The following NCALD variants were observed in gnomAD, a reference collection of about 807,000 sequenced individuals.
NCALD encodes neurocalcin delta, also known as neurocalcin-delta.
Under a neutral mutation model 18.6 loss-of-function variants are expected in NCALD, and 10 were observed. The ratio of observed to expected loss-of-function variants is 0.54; its 90% CI spans 0.33 to 0.91. The LOEUF is 0.91. NCALD is among the 40% of genes least tolerant of loss of function. The pLI is 0.03. For missense variants in NCALD, 184 were observed against 247.6 expected (o/e 0.74, Z 1.72); for synonymous variants, 88 against 87.4 (o/e 1.01, Z -0.04).
At chr8:102,082,260 T>C (rs1364858868) in intron 1 of NCALD, among the ~76,000 whole-genome samples, 2 of 111,386 alleles carry the variant, frequency 1.8e-5, no homozygotes, top group Non-Finnish European at 1.8e-5. Context: ...TGAGAGGGAG[T>C]CTCGCTCTGT....
At chr8:101,747,684 G>A (rs1358219234) in intron 1 of NCALD, among the ~76,000 whole-genome samples, 2 of 151,916 alleles carry the variant, frequency 1.3e-5, no homozygotes, top group African/African-American at 4.8e-5. Context: ...TACTTTCCAG[G>A]GTTCCCTTTT....
At chr8:101,890,002 G>T (rs192979048) in intron 3 of NCALD, among the ~76,000 whole-genome samples, 1 of 152,288 alleles carries the variant, frequency 6.6e-6, no homozygotes, top group South Asian at 2.1e-4. Flanking sequence ...TAAAAGGAAG[G>T]CAAAGTTGAT....
intron 2 of NCALD, among the ~76,000 whole-genome samples, chr8:101,931,952 G>A (rs1333279119): frequency 1.3e-5 from 2 of 152,096 alleles, no homozygotes; most frequent in African/African-American, 4.8e-5. Flanking sequence ...AGGCCCTTAG[G>A]AGCACTTGTC....
intron 4 of NCALD, among the ~76,000 whole-genome samples, chr8:101,798,051 T>C (rs1812706759): frequency 2.0e-5 from 3 of 152,178 alleles, no homozygotes; most frequent in Non-Finnish European, 4.4e-5. Context: ...ATACGGCTAA[T>C]TTTATACTTA....
intron 4 of NCALD, among the ~76,000 whole-genome samples, chr8:101,841,713 G>C (rs540420037): frequency 6.6e-6 from 1 of 152,310 alleles, no homozygotes; most frequent in South Asian, 2.1e-4. Flanking sequence ...CAGCCAAAGA[G>C]GGTGAATCTT....
chr8:102,004,452 G>T (rs1434501810), intron 2 of NCALD, among the ~76,000 whole-genome samples: 1 of 152,062 alleles, frequency 6.6e-6, no homozygotes, highest in Non-Finnish European at 1.5e-5. Flanking sequence ...TGGCCATACT[G>T]CCCAAGGTAA....
intron 2 of NCALD, among the ~76,000 whole-genome samples, chr8:101,929,267 GGGAT>G (rs1397374569): frequency 4.4e-5 from 3 of 68,532 alleles, no homozygotes; most frequent in African/African-American, 1.4e-4. Flanking sequence ...GATGGAGGAA[GGGAT>G]GGAGGGAGGG....
chr8:102,060,279 C>T (rs2132255926), intron 1 of NCALD, among the ~76,000 whole-genome samples: 1 of 152,294 alleles, frequency 6.6e-6, no homozygotes, highest in South Asian at 2.1e-4. Flanking sequence ...CTGCGCCCGG[C>T]CTGAAGTTGT....
intron 2 of NCALD, among the ~76,000 whole-genome samples, chr8:101,996,987 G>C (rs984947729): frequency 6.6e-6 from 1 of 152,218 alleles, no homozygotes; most frequent in African/African-American, 2.4e-5. Flanking sequence ...AGATCAATAA[G>C]AGCAAGATAG....
chr8:101,692,845 T>C lies in NCALD; in HGVS notation c.430A>G (p.Thr144Ala). Residue 144 changes from threonine (T) to alanine (A), a missense_variant, in exon 3 of 4, where the codon ACC becomes GCC. Coordinates refer to ENST00000220931, the MANE Select transcript of NCALD (RefSeq NM_032041.3). Reference protein sequence around the residue: ...SVMKMPEDESTPEKRTEKIFR... With the variant: ...SVMKMPEDESAPEKRTEKIFR... ...ATCTTTTCTGTTCTTTTCTCTGGGG[T>C]TGACTCATCTTCAGGCATTTTCATT... The C allele has an allele frequency of 6.2e-7, 1 of 1,614,000 alleles. No individual in the cohort carries two copies. Among genetic ancestry groups the C allele is most frequent in the Non-Finnish European group, 8.5e-7 (1 of 1,179,928 alleles).
intron 1 of NCALD, among the ~76,000 whole-genome samples, chr8:101,778,690 A>T (rs1811892077): frequency 6.6e-6 from 1 of 152,176 alleles, no homozygotes. Flanking sequence ...GAAAAAAGTT[A>T]AGACCATAGA....
intron 1 of NCALD, among the ~76,000 whole-genome samples, chr8:102,099,493 G>A (rs1297762603): frequency 2.6e-5 from 4 of 152,114 alleles, no homozygotes; most frequent in African/African-American, 9.7e-5. Context: ...TCCTTATCAA[G>A]AGACAATATG....
intron 2 of NCALD, among the ~76,000 whole-genome samples, chr8:102,001,896 C>T (rs983926733): frequency 1.3e-5 from 2 of 152,194 alleles, no homozygotes; most frequent in Non-Finnish European, 2.9e-5. Context: ...TGGAAAGGAA[C>T]AACTGGTACC....
chr8:101,968,856 T>C (rs1820132167), intron 2 of NCALD, among the ~76,000 whole-genome samples: 1 of 152,116 alleles, frequency 6.6e-6, no homozygotes, highest in Non-Finnish European at 1.5e-5. Flanking sequence ...ACCGAGCAAA[T>C]TGGTGAATGT....
Position 101,687,362 on chromosome 8 carries a change from AT to A in NCALD, c.*1946del, listed in dbSNP as rs1362118266. On this transcript the variant is annotated 3_prime_UTR_variant, in exon 4 of 4. Transcript: ENST00000220931. The stretch of plus-strand genomic sequence containing the variant: ...CTTCTGTGTCTTAGGTTAATTCGCT[AT>A]TTTCCAAACACAGATTTTAACACTT... 6.6e-6 allele frequency: 1 copy of A among 152,620 alleles called. No homozygotes were observed. The allele number at this position is 152,620 out of a possible 1,614,324, so 9.5% of individuals were successfully genotyped here.
intron 4 of NCALD, among the ~76,000 whole-genome samples, chr8:101,841,520 C>A (rs1814642596): frequency 6.6e-6 from 1 of 152,180 alleles, no homozygotes; most frequent in Non-Finnish European, 1.5e-5. Flanking sequence ...TCCCCTCTTC[C>A]CCCAGGTTGT....
At chr8:101,804,372 T>TTATATATAATTATATCAATTA (rs971384773) in intron 4 of NCALD, among the ~76,000 whole-genome samples, 1 of 136,512 alleles carries the variant, frequency 7.3e-6, no homozygotes, top group African/African-American at 2.8e-5. Flanking sequence ...CAATTATATA[T>TTATATATAATTATATCAATTA]TATATGTTAC....
chr8:101,872,200 A>T, intron 4 of NCALD: 1 of 1,567,142 alleles, frequency 6.4e-7, no homozygotes, highest in Non-Finnish European at 8.8e-7. Context: ...GCAAAGGTGC[A>T]AGATGACCCA....
At chr8:101,983,617 T>C (rs1820701715) in intron 2 of NCALD, among the ~76,000 whole-genome samples, 1 of 152,194 alleles carries the variant, frequency 6.6e-6, no homozygotes, top group Admixed American at 6.5e-5. Context: ...TTGTGATGGA[T>C]ACTTTCCGCT....
Sources: gnomAD v4.1 joint callset for allele counts (sites outside exome capture counted in the v4.1 genomes callset) on GRCh38, gnomAD v4.1.1 for gene constraint, MANE v1.5 for transcripts, NCBI Gene and HGNC (gene_info 2026-07-23, HGNC 2026-07-21) for gene names.